Variants in GRIN2A observed in about 807,000 individuals in gnomAD.
The protein encoded by GRIN2A is glutamate ionotropic receptor NMDA type subunit 2A, also known as glutamate receptor ionotropic, NMDA 2A.
Under a neutral mutation model 113.4 loss-of-function variants are expected in GRIN2A, and 22 were observed. The ratio of observed to expected loss-of-function variants is 0.19; its 90% confidence interval spans 0.14 to 0.28. The LOEUF is 0.28. Among genes scored for constraint, GRIN2A ranks in the 10% least tolerant of loss-of-function variants. GRIN2A has a pLI of 1.00. For missense variants in GRIN2A, 1,502 were observed against 1,887.0 expected (o/e 0.80, Z 3.78); for synonymous variants, 827 against 738.4 (o/e 1.12, Z -1.94).
At chr16:10,063,761 A>C (rs1036344037) in intron 2 of GRIN2A, among the ~76,000 whole-genome samples, 7 of 152,202 alleles carry the variant, frequency 4.6e-5, no homozygotes, top group African/African-American at 7.2e-5. Flanking sequence ...AACAGTGTCC[A>C]TAGGAGTCAA....
At chr16:9,865,355 G>A (rs2043144936) in intron 4 of GRIN2A, among the ~76,000 whole-genome samples, 1 of 152,084 alleles carries the variant, frequency 6.6e-6, no homozygotes, top group Non-Finnish European at 1.5e-5. Flanking sequence ...TCAACAATTT[G>A]AGAGCCCTAT....
At chr16:9,831,298 G>C (rs925690738) in intron 8 of GRIN2A, among the ~76,000 whole-genome samples, 5 of 152,104 alleles carry the variant, frequency 3.3e-5, no homozygotes, top group Admixed American at 1.3e-4. Flanking sequence ...ATGTAACTCA[G>C]ATTTACCTGA....
chr16:10,042,431 C>A (rs2047181625), intron 2 of GRIN2A, among the ~76,000 whole-genome samples: 1 of 152,124 alleles, frequency 6.6e-6, no homozygotes, highest in Admixed American at 6.5e-5. Flanking sequence ...CTGCCAGCAG[C>A]CTCGGAAACA....
intron 3 of GRIN2A, among the ~76,000 whole-genome samples, chr16:9,936,225 T>C (rs9924323): frequency 0.014 from 2,133 of 152,298 alleles, 52 homozygotes; most frequent in African/African-American, 0.049. Context: ...GCTCACCCCA[T>C]ATTTTCTATT....
intron 3 of GRIN2A, among the ~76,000 whole-genome samples, chr16:9,924,191 C>G (rs939413116): frequency 6.9e-6 from 1 of 145,326 alleles, no homozygotes; most frequent in African/African-American, 2.5e-5. Context: ...GCTTTTCATT[C>G]TTTTGTGATG....
At chr16:10,175,126 T>C (rs780086164) in intron 2 of GRIN2A, among the ~76,000 whole-genome samples, 6 of 152,246 alleles carry the variant, frequency 3.9e-5, no homozygotes, top group Non-Finnish European at 8.8e-5. Context: ...CAAGAGCCTA[T>C]AGCTCATAGC....
intron 2 of GRIN2A, among the ~76,000 whole-genome samples, chr16:10,009,207 C>T (rs900655462): frequency 6.6e-6 from 1 of 152,132 alleles, no homozygotes; most frequent in Non-Finnish European, 1.5e-5. Flanking sequence ...AGCAATTCCT[C>T]CAGGAAGGAA....
chr16:9,969,646 C>G (rs2045631804), intron 2 of GRIN2A, among the ~76,000 whole-genome samples: 1 of 152,174 alleles, frequency 6.6e-6, no homozygotes, highest in East Asian at 1.9e-4. Context: ...TCCAGATACC[C>G]TAGACCAGTG....
chr16:10,064,176 G>A (rs1296153426), intron 2 of GRIN2A, among the ~76,000 whole-genome samples: 2 of 152,058 alleles, frequency 1.3e-5, no homozygotes, highest in Admixed American at 6.6e-5. Context: ...TTTCTTCCAC[G>A]AGAACAGATA....
intron 3 of GRIN2A, among the ~76,000 whole-genome samples, chr16:9,910,297 C>T (rs953690566): frequency 2.0e-5 from 3 of 152,064 alleles, no homozygotes; most frequent in African/African-American, 7.2e-5. Context: ...GGTTGTACAA[C>T]ATTGTGAATG....
intron 4 of GRIN2A, among the ~76,000 whole-genome samples, chr16:9,888,289 T>C (rs1409551752): frequency 6.6e-6 from 1 of 152,198 alleles, no homozygotes; most frequent in African/African-American, 2.4e-5. Context: ...AAGTTTTTAA[T>C]TTTGATGAAG....
intron 2 of GRIN2A, among the ~76,000 whole-genome samples, chr16:10,050,187 G>C (rs1596462273): frequency 6.6e-6 from 1 of 152,186 alleles, no homozygotes; most frequent in African/African-American, 2.4e-5. Context: ...GGCAGAGGGA[G>C]ACAAGGACTT....
At chr16:10,122,436 G>C (rs1188462444) in intron 2 of GRIN2A, among the ~76,000 whole-genome samples, 1 of 152,132 alleles carries the variant, frequency 6.6e-6, no homozygotes, top group Non-Finnish European at 1.5e-5. Flanking sequence ...AGCAGGTTCG[G>C]CTATTCAGAA....
At chr16:9,902,680 T>TG (rs36126213) in intron 3 of GRIN2A, among the ~76,000 whole-genome samples, 5 of 151,962 alleles carry the variant, frequency 3.3e-5, no homozygotes, top group Non-Finnish European at 7.4e-5. Context: ...CTCTGAAAAA[T>TG]GGGGGGGTGG....
intron 2 of GRIN2A, among the ~76,000 whole-genome samples, chr16:10,087,274 G>C (rs142040458): frequency 7.2e-5 from 11 of 152,326 alleles, no homozygotes; most frequent in African/African-American, 2.4e-4. Context: ...TTATGTTATT[G>C]TTCAAATATC....
Position 9,938,546 on chromosome 16 carries a change from C to A in GRIN2A, c.420G>T (p.Pro140=), listed in dbSNP as rs367543126. The change falls in exon 3 of 13, where the codon CCG becomes CCT. Residue 140 remains proline (P), a synonymous_variant. Coordinates refer to ENST00000330684, the MANE Select transcript of GRIN2A (RefSeq NM_001134407.3). ...CTCCAAACTGGAAGAAGGTAGACGTCGGATCCTGCCAGTGAAAAGAAAGTA... is the reference window on the plus strand; with the variant it reads ...CTCCAAACTGGAAGAAGGTAGACGTAGGATCCTGCCAGTGAAAAGAAAGTA... ...GASMIMADKD[P]TSTFFQFGAS... 4.1e-5 allele frequency: 65 copies of A among 1,602,522 alleles called. No homozygotes were observed. The highest frequency in any genetic ancestry group is 4.8e-5 in the Non-Finnish European group (57 of 1,179,400).
chr16:9,949,630 G>A (rs1452824059), intron 2 of GRIN2A, among the ~76,000 whole-genome samples: 1 of 151,756 alleles, frequency 6.6e-6, no homozygotes, highest in Non-Finnish European at 1.5e-5. Context: ...GTGGATGGAT[G>A]AATGGAGAGA....
chr16:9,940,120 A>T (rs755443275), intron 2 of GRIN2A, among the ~76,000 whole-genome samples: 6 of 151,790 alleles, frequency 4.0e-5, no homozygotes, highest in Non-Finnish European at 8.8e-5. Flanking sequence ...TTTTCAGAAC[A>T]ATACTTTGTA....
chr16:10,031,105 T>A (rs1341376982), intron 2 of GRIN2A, among the ~76,000 whole-genome samples: 2 of 152,174 alleles, frequency 1.3e-5, no homozygotes, highest in East Asian at 3.9e-4. Flanking sequence ...CGCACTTAGT[T>A]CACGTCACTT....
Sources: gnomAD v4.1 joint callset for allele counts (sites outside exome capture counted in the v4.1 genomes callset) on GRCh38, gnomAD v4.1.1 for gene constraint, MANE v1.5 for transcripts, NCBI Gene and HGNC (gene_info 2026-07-23, HGNC 2026-07-21) for gene names.